DISC1: variants seen among roughly 807,000 people sequenced by gnomAD.
DISC1 encodes the protein DISC1 scaffold protein.
DISC1 carries 57 observed loss-of-function variants against 84.5 expected under a neutral mutation model. The observed-to-expected ratio is 0.67, with a 90% CI of 0.55 to 0.84. The LOEUF (loss-of-function observed/expected upper bound fraction) is 0.84, where lower values mean the gene tolerates loss of function less well. Among genes scored for constraint, DISC1 ranks in the 40% least tolerant of loss-of-function variants. DISC1 has a pLI of 0.00. For missense variants in DISC1, 1,000 were observed against 1,057.8 expected, an observed-to-expected ratio of 0.95 and a Z score of 0.76; for synonymous variants, 411 against 415.2, an observed-to-expected ratio of 0.99 and a Z score of 0.12.
intron 9 of DISC1, among the ~76,000 whole-genome samples, chr1:231,940,575 C>T (rs1476972756): frequency 6.6e-6 from 1 of 152,044 alleles, no homozygotes; most frequent in African/African-American, 2.4e-5. Context: ...AAATTGGACT[C>T]ATTTAGTTTA....
chr1:231,847,625 A>G (rs2083558020), intron 9 of DISC1, among the ~76,000 whole-genome samples: 1 of 152,038 alleles, frequency 6.6e-6, no homozygotes, highest in African/African-American at 2.4e-5. Flanking sequence ...TTACATGTCT[A>G]GATGCACCGA....
chr1:231,820,924 A>C (rs971900167), intron 9 of DISC1, among the ~76,000 whole-genome samples: 1 of 152,188 alleles, frequency 6.6e-6, no homozygotes, highest in African/African-American at 2.4e-5. Flanking sequence ...TTAGGGAACA[A>C]TTAGCAGTGT....
chr1:231,869,071 TGATA>T (rs2085275684), intron 9 of DISC1, among the ~76,000 whole-genome samples: 1 of 151,922 alleles, frequency 6.6e-6, no homozygotes, highest in African/African-American at 2.4e-5. Context: ...TTCAGAAGGT[TGATA>T]GAGAGTGCTG....
chr1:231,660,061 C>T (rs1185529120), intron 1 of DISC1, among the ~76,000 whole-genome samples: 2 of 152,078 alleles, frequency 1.3e-5, no homozygotes, highest in Non-Finnish European at 2.9e-5. Context: ...CTAATATTGT[C>T]AGTGGGTTGT....
chr1:231,691,418 C>T (rs771358163), intron 1 of DISC1, among the ~76,000 whole-genome samples: 1 of 148,824 alleles, frequency 6.7e-6, no homozygotes, highest in Non-Finnish European at 1.5e-5. Flanking sequence ...GCAACAGGAG[C>T]GAGACTGTCT....
At chr1:231,952,664 G>C (rs1658642517) in intron 9 of DISC1, among the ~76,000 whole-genome samples, 1 of 144,426 alleles carries the variant, frequency 6.9e-6, no homozygotes, top group Admixed American at 7.0e-5. Context: ...AAATCACCTT[G>C]GCCTATTGTC....
chr1:231,783,551 G>C (rs199569046), intron 6 of DISC1, among the ~76,000 whole-genome samples: 26 of 152,194 alleles, frequency 1.7e-4, no homozygotes, highest in Non-Finnish European at 3.1e-4. Flanking sequence ...GAAAGATCTG[G>C]TTGAATTAAT....
intron 9 of DISC1, among the ~76,000 whole-genome samples, chr1:231,925,268 G>A (rs934569750): frequency 1.9e-4 from 29 of 152,258 alleles, no homozygotes; most frequent in Admixed American, 1.6e-3. Context: ...CCAAACCTTC[G>A]TTTCTTCATC....
chr1:231,661,994 C>G (rs2061600542), intron 1 of DISC1, among the ~76,000 whole-genome samples: 1 of 152,306 alleles, frequency 6.6e-6, no homozygotes, highest in African/African-American at 2.4e-5. Flanking sequence ...TCAGGCCACT[C>G]TACCGTAGGG....
chr1:231,648,419 T>C lies in DISC1; in HGVS notation c.67+21485T>C, dbSNP rs995115866. On this transcript the variant is annotated intron_variant, in intron 1 of 12. Coordinates refer to ENST00000439617, the MANE Select transcript of DISC1 (RefSeq NM_018662.3). ...CCCAGGGATGAAGCTGACCTGATCA[T>C]GGTGGATAAGCTTTTTGATGTGCTG... is the stretch of plus-strand genomic sequence containing the variant. 2.0e-5 allele frequency among the ~76,000 whole-genome samples: 3 copies of C among 152,230 alleles called. No homozygotes were observed. In the East Asian group the frequency reaches 5.8e-4, roughly 29 times the overall value.
chr1:231,902,746 C>G (rs201575436), intron 9 of DISC1, among the ~76,000 whole-genome samples: 58 of 152,302 alleles, frequency 3.8e-4, no homozygotes, highest in Non-Finnish European at 7.2e-4. Context: ...AGGTTGTAGG[C>G]TTTGATTTGT....
At chr1:231,791,314 G>T (rs185037296) in intron 6 of DISC1, among the ~76,000 whole-genome samples, 169 of 152,284 alleles carry the variant, frequency 1.1e-3, no homozygotes, top group African/African-American at 3.9e-3. Context: ...TCAACAGTTA[G>T]GAGAGCAGAT....
At chr1:231,855,387 C>T in intron 9 of DISC1, 1 of 985,020 alleles carries the variant, frequency 1.0e-6, no homozygotes, top group Non-Finnish European at 1.2e-6. Flanking sequence ...TAAATGAGCT[C>T]AAGTTATTTC....
At chr1:231,998,137 A>G (rs1365271587) in intron 10 of DISC1, among the ~76,000 whole-genome samples, 1 of 152,252 alleles carries the variant, frequency 6.6e-6, no homozygotes, top group Non-Finnish European at 1.5e-5. Context: ...AATGCATTGA[A>G]TGCCAAGTGG....
chr1:231,891,051 A>G (rs2087167988), intron 9 of DISC1, among the ~76,000 whole-genome samples: 1 of 152,192 alleles, frequency 6.6e-6, no homozygotes, highest in African/African-American at 2.4e-5. Context: ...GAGTTACTCA[A>G]CACTGCTGCT....
chr1:231,781,971 C>G (rs745483789), intron 6 of DISC1, among the ~76,000 whole-genome samples: 1 of 152,142 alleles, frequency 6.6e-6, no homozygotes, highest in Non-Finnish European at 1.5e-5. Context: ...ACACCTTTTT[C>G]GAGCTGTGGA....
At chr1:232,007,945 T>C (rs1667660670) in intron 10 of DISC1, among the ~76,000 whole-genome samples, 1 of 152,068 alleles carries the variant, frequency 6.6e-6, no homozygotes. Flanking sequence ...TCTGGTGGCT[T>C]TATAAAGGGC....
At chr1:231,772,568 T>C (rs1473544973) in intron 6 of DISC1, among the ~76,000 whole-genome samples, 1 of 152,162 alleles carries the variant, frequency 6.6e-6, no homozygotes, top group Non-Finnish European at 1.5e-5. Context: ...TGATAATAAT[T>C]TCTACCTTAT....
intron 9 of DISC1, chr1:231,855,524 C>A: frequency 1.4e-6 from 1 of 714,186 alleles, no homozygotes. Flanking sequence ...GAACTCTCTT[C>A]ATGAAGTAGT....
Sources: allele counts gnomAD v4.1 joint callset (sites outside exome capture counted in the v4.1 genomes callset), GRCh38; gene constraint gnomAD v4.1.1; transcripts MANE v1.5; gene names NCBI Gene and HGNC (gene_info 2026-07-23, HGNC 2026-07-21).